The following FRMPD2 variants were observed in gnomAD, a reference collection of about 807,000 sequenced individuals.
FRMPD2 encodes the protein FERM and PDZ domain-containing protein 2.
A neutral mutation model predicts 140.1 loss-of-function variants in FRMPD2; 96 were observed. The observed-to-expected ratio is 0.69, with a 90% CI of 0.58 to 0.81. FRMPD2 has a LOEUF of 0.81. FRMPD2 is among the 40% of genes least tolerant of loss of function. FRMPD2 has a pLI of 0.00. For synonymous variants in FRMPD2, 449 were observed against 547.6 expected, an observed-to-expected ratio of 0.82 and a Z score of 2.52; for missense variants, 1,240 against 1,447.4, an observed-to-expected ratio of 0.86 and a Z score of 2.32.
chr10:48,251,986 A>G (rs1351476447), intron 1 of FRMPD2, among the ~76,000 whole-genome samples: 4 of 152,264 alleles, frequency 2.6e-5, no homozygotes, highest in African/African-American at 9.6e-5. Context: ...CAACCAAATG[A>G]AACATGAGAA....
intron 9 of FRMPD2, among the ~76,000 whole-genome samples, chr10:48,232,903 C>T (rs1399174629): frequency 1.3e-5 from 2 of 152,190 alleles, no homozygotes; most frequent in Non-Finnish European, 2.9e-5. Context: ...TGCCTTGGTT[C>T]AGCCTCCTGG....
In FRMPD2 at chr10:48,168,805, A is replaced by C; in HGVS notation, c.3439-112T>G. 7.6e-6 allele frequency: 3 copies of C among 393,346 alleles called. 1 individual carries two copies. Among genetic ancestry groups the C allele is most frequent in the Non-Finnish European group, 1.5e-5 (3 of 200,188 alleles). The allele number at this position is 393,346 out of a possible 1,614,324, so 24.4% of individuals were successfully genotyped here. On this transcript the variant is annotated intron_variant, in intron 26 of 28. Transcript: ENST00000374201. ...GCTCCTCCTCCCTGCACCTTGATCT[A>C]TTTCTCACTCCAGAGAACTCCGGAG...
Position 48,238,077 on chromosome 10 carries a change from GC to G in FRMPD2, c.834del (p.Arg278SerfsTer45), listed in dbSNP as rs781545222. The G allele has an allele frequency of 9.9e-6, 16 of 1,613,810 alleles. No individual in the cohort carries two copies. Among genetic ancestry groups the G allele is most frequent in the Non-Finnish European group, 1.4e-5 (16 of 1,180,034 alleles). ...ADPQDQQAGR[R>X]LSSGSVHSAA... Reference sequence around the variant, plus strand: ...GCCGAGTGCACAGATCCAGAGCTGAGCCTCCGGCCCGCCTGCTGGTCCTGGG... The same window carrying G: ...GCCGAGTGCACAGATCCAGAGCTGAGCTCCGGCCCGCCTGCTGGTCCTGGG... On this transcript the variant is annotated frameshift_variant, in exon 8 of 29. Transcript: ENST00000374201. LOFTEE classifies it high-confidence loss of function.
Position 48,232,287 on chromosome 10 carries a change from G to C in FRMPD2, c.996C>G (p.Thr332=). The stretch of plus-strand genomic sequence containing the variant: ...GAGCCAAATAGGATTTCCCTTTTTT[G>C]GTCTGAAAACAACAACAGTATCAAT... ...MTLHLPGSVV[T]KKGKSYLALR... is the part of the protein sequence containing the mutation. Residue 332 remains threonine (T), a splice_region_variant and synonymous_variant, in exon 10 of 29, where the codon ACC becomes ACG. Coordinates refer to ENST00000374201, the MANE Select transcript of FRMPD2 (RefSeq NM_001018071.4). 6.2e-7 allele frequency: 1 copy of C among 1,607,856 alleles called. No homozygotes were observed. Among genetic ancestry groups the C allele is most frequent in the Non-Finnish European group, 8.5e-7 (1 of 1,176,520 alleles).
At chr10:48,251,483 G>A (rs1840380310) in intron 2 of FRMPD2, 83 bp downstream of exon 2, 1 of 1,539,342 alleles carries the variant, frequency 6.5e-7, no homozygotes. Flanking sequence ...ATTTAAAAAA[G>A]CAGCAGCAGC....
chr10:48,190,713 A>G (rs1421038589), intron 16 of FRMPD2, among the ~76,000 whole-genome samples: 1 of 152,170 alleles, frequency 6.6e-6, no homozygotes, highest in Non-Finnish European at 1.5e-5. Flanking sequence ...GGTCATGAAA[A>G]TTTGGCATTT....
Position 48,242,287 on chromosome 10 carries a change from CCTGTGAGG to C in FRMPD2, c.433_440del (p.Pro145AlafsTer15). ...CCAGAACCGACTGCAACGTGCACCG[CCTGTGAGG>C]CTGGTCTTCACACATGGTCAGCAGG... On this transcript the variant is annotated frameshift_variant, in exon 5 of 29. Transcript: ENST00000374201. LOFTEE classifies it high-confidence loss of function. The C allele has an allele frequency of 2.5e-6, 4 of 1,614,142 alleles. No individual in the cohort carries two copies. In the East Asian group the frequency reaches 8.9e-5, roughly 36 times the overall value.
chr10:48,234,207 G>A (rs1274920432), intron 9 of FRMPD2, among the ~76,000 whole-genome samples: 1 of 152,172 alleles, frequency 6.6e-6, no homozygotes, highest in East Asian at 1.9e-4. Context: ...GTACCTGCAA[G>A]GGTCTCTGTT....
intron 16 of FRMPD2, among the ~76,000 whole-genome samples, chr10:48,190,990 C>T (rs941429444): frequency 2.6e-5 from 4 of 152,222 alleles, no homozygotes; most frequent in Admixed American, 2.0e-4. Context: ...AAGATGTTCA[C>T]AAGGTCTTGG....
chr10:48,236,068 GTT>G (rs112112427), intron 9 of FRMPD2, among the ~76,000 whole-genome samples: 16 of 140,294 alleles, frequency 1.1e-4, no homozygotes, highest in Admixed American at 9.3e-4. Context: ...TTTGTTTTTT[GTT>G]TTTTTTTTTT....
chr10:48,273,684 C>T (rs949557199), intron 1 of FRMPD2, among the ~76,000 whole-genome samples: 7 of 152,132 alleles, frequency 4.6e-5, no homozygotes, highest in Non-Finnish European at 8.8e-5. Context: ...TGCCCCCCGA[C>T]CCCCACTGTC....
At chr10:48,243,913 A>C (rs1266234948) in intron 4 of FRMPD2, among the ~76,000 whole-genome samples, 1 of 152,230 alleles carries the variant, frequency 6.6e-6, no homozygotes, top group Non-Finnish European at 1.5e-5. Context: ...TTATAGTATC[A>C]GATGGAAATG....
At chr10:48,197,372 C>A (rs12258152) in intron 15 of FRMPD2, among the ~76,000 whole-genome samples, 16,783 of 152,110 alleles carry the variant, frequency 0.11, 2,967 homozygotes, top group African/African-American at 0.38. Flanking sequence ...CAATACAAAC[C>A]TACAGTACGG....
At chr10:48,196,394 G>A (rs1838950836) in intron 15 of FRMPD2, among the ~76,000 whole-genome samples, 2 of 152,216 alleles carry the variant, frequency 1.3e-5, no homozygotes, top group Non-Finnish European at 2.9e-5. Flanking sequence ...CAATTATCCA[G>A]GACAAGAGTA....
intron 1 of FRMPD2, among the ~76,000 whole-genome samples, chr10:48,258,401 C>T (rs1005468315): frequency 6.6e-6 from 1 of 152,304 alleles, no homozygotes; most frequent in African/African-American, 2.4e-5. Flanking sequence ...CCTTCCCTGC[C>T]CTGTTTTCTA....
At chr10:48,177,594 C>G (rs548890817) in intron 22 of FRMPD2, 360 of 165,634 alleles carry the variant, frequency 2.2e-3, no homozygotes, top group Non-Finnish European at 4.0e-3. Flanking sequence ...AGTGTCAGTC[C>G]TGATGGAGGC....
Position 48,182,149 on chromosome 10 carries a change from T to C in FRMPD2, c.2585-1141A>G, listed in dbSNP as rs1453667373. Among the ~76,000 whole-genome samples, 5 of 152,280 alleles carry C rather than the reference T, an allele frequency of 3.3e-5. No homozygotes were observed. In the East Asian group the frequency reaches 9.7e-4, roughly 29 times the overall value. On this transcript the variant is annotated intron_variant, in intron 20 of 28. Coordinates refer to ENST00000374201, the MANE Select transcript of FRMPD2 (RefSeq NM_001018071.4). ...ATAAATCTGATTTAATGAATTTGAT[T>C]TGAAGTTATTCAAATCTAAAGGTAT...
intron 1 of FRMPD2, among the ~76,000 whole-genome samples, chr10:48,264,283 C>T (rs1840645037): frequency 6.6e-6 from 1 of 151,510 alleles, no homozygotes; most frequent in Non-Finnish European, 1.5e-5. Flanking sequence ...CTAATGTAAT[C>T]AGACAAGAAA....
chr10:48,207,602 G>A (rs997639696), intron 13 of FRMPD2, among the ~76,000 whole-genome samples: 1 of 152,204 alleles, frequency 6.6e-6, no homozygotes, highest in Non-Finnish European at 1.5e-5. Context: ...CTTCTTAAGA[G>A]ACCAAAGTAT....
Sources: allele counts gnomAD v4.1 joint callset (sites outside exome capture counted in the v4.1 genomes callset), GRCh38; gene constraint gnomAD v4.1.1; transcripts MANE v1.5; gene names NCBI Gene and HGNC (gene_info 2026-07-23, HGNC 2026-07-21).